Variants in HELZ observed in about 807,000 individuals in gnomAD.
HELZ encodes helicase with zinc finger.
In HELZ, 23 loss-of-function variants were observed where a neutral mutation model predicts 218.2. The observed-to-expected ratio is 0.11, with a 90% CI of 0.08 to 0.15. HELZ has a LOEUF of 0.15. Among genes scored for constraint, HELZ ranks in the 10% least tolerant of loss-of-function variants. HELZ has a pLI of 1.00. For missense variants in HELZ, 1,813 were observed against 2,353.7 expected (o/e 0.77, Z 4.75); for synonymous variants, 814 against 829.4 (o/e 0.98, Z 0.32).
intron 21 of HELZ, among the ~76,000 whole-genome samples, chr17:67,140,322 G>C (rs1465318326): frequency 1.3e-5 from 2 of 152,150 alleles, no homozygotes; most frequent in African/African-American, 4.8e-5. Flanking sequence ...CTGCCCAGGA[G>C]ACGGTGAGCG....
chr17:67,101,522 T>C (rs1301613633), intron 31 of HELZ, among the ~76,000 whole-genome samples: 1 of 152,162 alleles, frequency 6.6e-6, no homozygotes, highest in Non-Finnish European at 1.5e-5. Flanking sequence ...TAGATCACAA[T>C]ATGTAATGAA....
At chr17:67,160,472 T>G in intron 16 of HELZ, 110 bp from the exon 17 acceptor site, 1 of 688,566 alleles carries the variant, frequency 1.5e-6, no homozygotes, top group Non-Finnish European at 2.5e-6. Context: ...ACAATTCCCT[T>G]ACCCTACTCA....
At chr17:67,186,052 G>A (rs1184043904) in intron 12 of HELZ, among the ~76,000 whole-genome samples, 1 of 151,900 alleles carries the variant, frequency 6.6e-6, no homozygotes, top group East Asian at 1.9e-4. Flanking sequence ...GTGTTCTCTT[G>A]CCAACATCTG....
chr17:67,092,893 G>A lies in HELZ; in HGVS notation c.5242-5812C>T, dbSNP rs922484025. Among the ~76,000 whole-genome samples the A allele has an allele frequency of 7.6e-4, 34 of 44,514 alleles. 1 individual carries two copies. Among genetic ancestry groups the A allele is most frequent in the South Asian group, 3.4e-3 (2 of 594 alleles). The allele number at this position is 44,514 out of a possible 152,430, so 29.2% of individuals were successfully genotyped here. A position where few individuals can be genotyped will look rare whatever the true frequency, so the allele number is the denominator to read the frequency against. Reference sequence around the variant, plus strand: ...GGCAAGAGAACTGCTTGAAACCGGCGGGGGGGGGAAGTTGCAGTGAGCCAA... The same window carrying A: ...GGCAAGAGAACTGCTTGAAACCGGCAGGGGGGGGAAGTTGCAGTGAGCCAA... On this transcript the variant is annotated intron_variant, in intron 31 of 32. Coordinates refer to ENST00000358691, the MANE Select transcript of HELZ (RefSeq NM_014877.4).
intron 27 of HELZ, among the ~76,000 whole-genome samples, chr17:67,118,992 A>T (rs1172729344): frequency 1.3e-5 from 2 of 152,180 alleles, no homozygotes; most frequent in South Asian, 2.1e-4. Flanking sequence ...AGTAAAATTT[A>T]AAAAAAGACT....
At chr17:67,197,286 C>T (rs1258897830) in intron 7 of HELZ, among the ~76,000 whole-genome samples, 1 of 150,052 alleles carries the variant, frequency 6.7e-6, no homozygotes, top group Non-Finnish European at 1.5e-5. Context: ...GTACCTTTCA[C>T]CTTCTGCTGA....
rs373927880 is a variant in HELZ at position 67,237,757 on chromosome 17, G to A, written c.-19+1676C>T. ...TAATCCCAGCTCTTTGGGAGGCCAA[G>A]GCGGGTGGATCACTTGAGGTCAGGA... On this transcript the variant is annotated intron_variant, in intron 3 of 32. Transcript: ENST00000358691. Among the ~76,000 whole-genome samples, 4 of 152,074 alleles carry A rather than the reference G, an allele frequency of 2.6e-5. No homozygotes were observed. The East Asian group carries it at 7.7e-4, about 29-fold the overall frequency.
intron 15 of HELZ, among the ~76,000 whole-genome samples, chr17:67,161,305 T>C (rs763021635): frequency 9.2e-5 from 14 of 152,200 alleles, no homozygotes; most frequent in Admixed American, 3.3e-4. Flanking sequence ...CTACACTACG[T>C]ACAAAAAGAT....
rs1728705443 is a variant in HELZ, at chr17:67,218,810, AG to A, written c.-7del. On this transcript the variant is annotated 5_prime_UTR_variant, in exon 4 of 33. The change abolishes the stop of an existing upstream ORF in the 5' untranslated region. Coordinates refer to ENST00000358691, the MANE Select transcript of HELZ (RefSeq NM_014877.4). ...TCAGCTCTTCTGTCTTCCATGACTCAGGGACAAAAATCCTACAGACAGGGAG... is the reference window on the plus strand; with the variant it reads ...TCAGCTCTTCTGTCTTCCATGACTCAGGACAAAAATCCTACAGACAGGGAG... 6.2e-6 allele frequency: 10 copies of A among 1,613,544 alleles called. No individual in the cohort carries two copies. Among genetic ancestry groups the A allele is most frequent in the Non-Finnish European group, 8.5e-6 (10 of 1,179,486 alleles).
chr17:67,125,286 CTATA>C lies in HELZ; in HGVS notation c.3388-1276_3388-1273del, dbSNP rs57513241. Among the ~76,000 whole-genome samples the C allele has an allele frequency of 5.8e-4, 41 of 70,102 alleles. 1 individual carries two copies. The highest frequency in any genetic ancestry group is 5.8e-3 in the Middle Eastern group (1 of 172). 46.0% of individuals were successfully genotyped at this position (70,102 alleles called of 152,430 possible). On this transcript the variant is annotated intron_variant, in intron 24 of 32. Transcript: ENST00000358691. ...GCATGTTCACAGTGATTGGCACCAACTATATATATATATATATATATATATATAT... is the reference window on the plus strand; with the variant it reads ...GCATGTTCACAGTGATTGGCACCAACTATATATATATATATATATATATAT...
intron 31 of HELZ, among the ~76,000 whole-genome samples, chr17:67,105,919 T>TA: frequency 6.6e-6 from 1 of 152,202 alleles, no homozygotes; most frequent in Non-Finnish European, 1.5e-5. Context: ...TCCCTACAAA[T>TA]AAGACATACA....
At chr17:67,115,106 A>G (rs1299340201) in intron 27 of HELZ, among the ~76,000 whole-genome samples, 1 of 152,164 alleles carries the variant, frequency 6.6e-6, no homozygotes, top group Non-Finnish European at 1.5e-5. Context: ...AAAATGAATT[A>G]TCATGCCAGA....
At chr17:67,230,595 C>CAAAAAAAAA (rs376918246) in intron 3 of HELZ, among the ~76,000 whole-genome samples, 2 of 111,470 alleles carry the variant, frequency 1.8e-5, no homozygotes, top group African/African-American at 3.7e-5. Context: ...GACTCCATCT[C>CAAAAAAAAA]AAAAAAAAAA....
intron 32 of HELZ, among the ~76,000 whole-genome samples, 198 bp downstream of exon 32, chr17:67,086,631 A>AATATAAATATAAATATAAAT (rs914625902): frequency 1.6e-3 from 152 of 93,288 alleles, no homozygotes; most frequent in African/African-American, 6.6e-3. Context: ...TATAAATATA[A>AATATAAATATAAATATAAAT]ATATATATAT....
intron 5 of HELZ, among the ~76,000 whole-genome samples, chr17:67,212,785 C>A (rs187051394): frequency 1.3e-4 from 20 of 152,224 alleles, no homozygotes; most frequent in Admixed American, 1.1e-3. Flanking sequence ...CACAGCACTG[C>A]AATGAACACC....
intron 5 of HELZ, among the ~76,000 whole-genome samples, chr17:67,205,647 A>G (rs1022375578): frequency 6.6e-6 from 1 of 152,226 alleles, no homozygotes; most frequent in Admixed American, 6.5e-5. Context: ...CAGGAATGAA[A>G]AAGTCTAAGA....
chr17:67,101,223 C>G (rs1201179381), intron 31 of HELZ, among the ~76,000 whole-genome samples: 2 of 151,662 alleles, frequency 1.3e-5, no homozygotes, highest in African/African-American at 4.8e-5. Context: ...TCAATTTAAG[C>G]TACAAGTTTA....
rs564164178 is a variant in HELZ at position 67,188,923 on chromosome 17, T to C, written c.865-307A>G. Among the ~76,000 whole-genome samples the C allele has an allele frequency of 8.7e-4, 132 of 152,298 alleles. No homozygotes were observed. Among genetic ancestry groups the C allele is most frequent in the Admixed American group, 2.5e-3 (38 of 15,292 alleles). On this transcript the variant is annotated intron_variant, in intron 11 of 32. Coordinates refer to ENST00000358691, the MANE Select transcript of HELZ (RefSeq NM_014877.4). This position sits in a 1 kb window ranked among gnomAD's most constrained non-coding sequence, Gnocchi z 4.1. ...ATACTCTTCACCTACAGAAGTTTCATGTAGCCTCAAGTAGGAAGCCTTCGT... is the reference window on the plus strand; with the variant it reads ...ATACTCTTCACCTACAGAAGTTTCACGTAGCCTCAAGTAGGAAGCCTTCGT...
intron 5 of HELZ, among the ~76,000 whole-genome samples, chr17:67,215,403 C>T (rs1262161474): frequency 6.8e-6 from 1 of 148,136 alleles, no homozygotes; most frequent in African/African-American, 2.5e-5. Context: ...AGCTGGAGTG[C>T]AGTGCTGTGA....
Sources: allele counts gnomAD v4.1 joint callset (sites outside exome capture counted in the v4.1 genomes callset), GRCh38; gene constraint gnomAD v4.1.1; non-coding constraint Gnocchi (gnomAD v3.1); transcripts MANE v1.5; gene names NCBI Gene and HGNC (gene_info 2026-07-23, HGNC 2026-07-21).